The following MEGF6 variants were observed in gnomAD, a reference collection of about 807,000 sequenced individuals.
MEGF6 encodes the protein multiple epidermal growth factor-like domains protein 6.
Under a neutral mutation model 207.1 loss-of-function variants are expected in MEGF6, and 184 were observed. The observed-to-expected ratio is 0.89, with a 90% CI of 0.79 to 1.00. The LOEUF is 1.00. Ranked by LOEUF, MEGF6 falls within the 50% of genes least tolerant of loss-of-function variation. The pLI is 0.00. For synonymous variants in MEGF6, 1,038 were observed against 910.0 expected, an observed-to-expected ratio of 1.14 and a Z score of -2.53; for missense variants, 2,282 against 2,202.9, an observed-to-expected ratio of 1.04 and a Z score of -0.72.
chr1:3,529,156 C>T (rs1195003323), intron 4 of MEGF6, among the ~76,000 whole-genome samples: 2 of 152,170 alleles, frequency 1.3e-5, no homozygotes, highest in East Asian at 1.9e-4. Context: ...AGGACCATCC[C>T]GTGCTGCCTA....
At chr1:3,510,659 G>A (rs961335094) in intron 10 of MEGF6, 124 bp downstream of exon 10, 8 of 1,352,154 alleles carry the variant, frequency 5.9e-6, no homozygotes, top group African/African-American at 1.5e-5. Flanking sequence ...CAGCCCCAAA[G>A]CAAAGCACAG....
intron 2 of MEGF6, among the ~76,000 whole-genome samples, chr1:3,602,146 C>T (rs1190279515): frequency 6.6e-6 from 1 of 152,252 alleles, no homozygotes; most frequent in African/African-American, 2.4e-5. Flanking sequence ...CCCACCGGGC[C>T]CCTGGCAGGC....
chr1:3,537,822 G>A (rs1328118523), intron 4 of MEGF6, among the ~76,000 whole-genome samples: 7 of 152,200 alleles, frequency 4.6e-5, no homozygotes, highest in Non-Finnish European at 7.3e-5. Context: ...CGTGTCCCCC[G>A]CAAAAGTGCT....
chr1:3,547,792 G>A (rs1178582072), intron 4 of MEGF6, among the ~76,000 whole-genome samples: 5 of 152,192 alleles, frequency 3.3e-5, no homozygotes, highest in Non-Finnish European at 7.4e-5. Context: ...GTTCTCCCGG[G>A]GTGCGCCTCT....
At chr1:3,606,325 T>C (rs1294465473) in intron 1 of MEGF6, among the ~76,000 whole-genome samples, 2 of 152,174 alleles carry the variant, frequency 1.3e-5, no homozygotes, top group African/African-American at 4.8e-5. Flanking sequence ...TGGGAAGGAT[T>C]GCGTGTGTTT....
chr1:3,501,728 T>G, intron 18 of MEGF6, 68 bp downstream of exon 18: 1 of 1,564,840 alleles, frequency 6.4e-7, no homozygotes, highest in Non-Finnish European at 8.6e-7. Context: ...CCCCCACAGT[T>G]CAGGGCCCCA....
chr1:3,542,343 G>T (rs956735305), intron 4 of MEGF6, among the ~76,000 whole-genome samples: 1 of 152,250 alleles, frequency 6.6e-6, no homozygotes, highest in East Asian at 1.9e-4. Flanking sequence ...TTAATGCGAG[G>T]GTTGGACCCA....
chr1:3,602,619 G>T lies in MEGF6; in HGVS notation c.132-19C>A. ...GTGGGGCCTGGAACAGAGACACGGA[G>T]AGTCAGCGCCTCGGCCACCCCCAGC... On this transcript the variant is annotated intron_variant, in intron 1 of 36. Transcript: ENST00000356575. 6.3e-7 allele frequency: 1 copy of T among 1,591,540 alleles called. No homozygotes were observed. Among genetic ancestry groups the T allele is most frequent in the South Asian group, 1.1e-5 (1 of 89,212 alleles).
At chr1:3,615,373 G>A (rs1644369367), upstream of MEGF6, among the ~76,000 whole-genome samples, 1 of 152,148 alleles carries the variant, frequency 6.6e-6, no homozygotes, top group Admixed American at 6.5e-5. Flanking sequence ...CCCATGGCTG[G>A]ACCCACTGGC....
At chr1:3,610,574 C>T (rs1164119664) in intron 1 of MEGF6, among the ~76,000 whole-genome samples, 1 of 152,242 alleles carries the variant, frequency 6.6e-6, no homozygotes, top group Non-Finnish European at 1.5e-5. Context: ...CTAAACGGCC[C>T]GTTGGGGAAT....
At chr1:3,554,301 A>G (rs532580554) in intron 4 of MEGF6, among the ~76,000 whole-genome samples, 111 of 152,164 alleles carry the variant, frequency 7.3e-4, no homozygotes, top group Non-Finnish European at 1.2e-3. Flanking sequence ...CGGCTCCGAG[A>G]GAGTGTCGCT....
At chr1:3,548,344 G>T (rs1642781759) in intron 4 of MEGF6, among the ~76,000 whole-genome samples, 1 of 152,238 alleles carries the variant, frequency 6.6e-6, no homozygotes, top group Non-Finnish European at 1.5e-5. Context: ...GGGGCCAAAG[G>T]CCTCGGGGCG....
chr1:3,571,192 C>T (rs1053521508), intron 4 of MEGF6, among the ~76,000 whole-genome samples: 23 of 152,086 alleles, frequency 1.5e-4, no homozygotes, highest in African/African-American at 5.6e-4. Flanking sequence ...TCTGATGGTC[C>T]AGAAACCAGA....
At chr1:3,538,696 CTGTG>C (rs57325073) in intron 4 of MEGF6, among the ~76,000 whole-genome samples, 4,951 of 131,992 alleles carry the variant, frequency 0.038, 183 homozygotes, top group African/African-American at 0.1. Flanking sequence ...GAGCATGTGC[CTGTG>C]TGTGTGTGTG....
At chr1:3,515,796 G>C (rs1256844486) in intron 5 of MEGF6, among the ~76,000 whole-genome samples, 2 of 152,228 alleles carry the variant, frequency 1.3e-5, no homozygotes, top group Non-Finnish European at 2.9e-5. Flanking sequence ...GCCTGATCGA[G>C]GGCTGGACAC....
intron 4 of MEGF6, among the ~76,000 whole-genome samples, chr1:3,570,399 A>G (rs1643463630): frequency 6.6e-6 from 1 of 152,182 alleles, no homozygotes; most frequent in South Asian, 2.1e-4. Context: ...GACTCAGTGC[A>G]GTTAAAGAGG....
intron 5 of MEGF6, among the ~76,000 whole-genome samples, chr1:3,519,820 C>T (rs116419988): frequency 0.029 from 4,422 of 152,332 alleles, 207 homozygotes; most frequent in African/African-American, 0.1. Context: ...TATGCAGCCT[C>T]TCACTGCTGT....
Position 3,524,233 on chromosome 1 carries a change from G to T in MEGF6, c.495C>A (p.Cys165Ter). 6.2e-7 allele frequency: 1 copy of T among 1,612,200 alleles called. No individual in the cohort carries two copies. The highest frequency in any genetic ancestry group is 8.5e-7 in the Non-Finnish European group (1 of 1,179,288). The part of the protein sequence containing the change: ...GPRCQYDVDE[C>*]RTHNGGCQHR... ...GCTGGCAGCCACCGTTGTGGGTTCGGCATTCGTCCACATCTGAGCAGGAAT... is the reference window on the plus strand; with the variant it reads ...GCTGGCAGCCACCGTTGTGGGTTCGTCATTCGTCCACATCTGAGCAGGAAT... The change falls in exon 5 of 37, where the codon TGC (cysteine) becomes TGA (stop). Residue 165 changes from cysteine (C) to a stop codon, truncating the protein, a stop_gained. Coordinates refer to ENST00000356575, the MANE Select transcript of MEGF6 (RefSeq NM_001409.4). LOFTEE classifies it high-confidence loss of function.
At chr1:3,523,097 C>T (rs147331350) in intron 5 of MEGF6, among the ~76,000 whole-genome samples, 2 of 150,474 alleles carry the variant, frequency 1.3e-5, no homozygotes, top group Non-Finnish European at 3.0e-5. Flanking sequence ...CCAGGGCTGG[C>T]GAGCTGCTCT....
Sources: allele counts gnomAD v4.1 joint callset (sites outside exome capture counted in the v4.1 genomes callset), GRCh38; gene constraint gnomAD v4.1.1; transcripts MANE v1.5; gene names NCBI Gene and HGNC (gene_info 2026-07-23, HGNC 2026-07-21).